The following MBNL1 variants were observed in gnomAD, a reference collection of about 807,000 sequenced individuals.
The protein encoded by MBNL1 is muscleblind-like protein 1.
A neutral mutation model predicts 42.2 loss-of-function variants in MBNL1; 8 were observed. That is an observed-to-expected ratio of 0.19 (90% CI 0.11 to 0.34). The LOEUF (loss-of-function observed/expected upper bound fraction) is 0.34, where lower values mean the gene tolerates loss of function less well. Ranked by LOEUF, MBNL1 falls within the 10% of genes least tolerant of loss-of-function variation. MBNL1 has a pLI of 1.00. For missense variants in MBNL1, 309 were observed against 495.3 expected, an observed-to-expected ratio of 0.62 and a Z score of 3.57; for synonymous variants, 169 against 173.9, an observed-to-expected ratio of 0.97 and a Z score of 0.22.
chr3:152,415,011 A>G lies in MBNL1; in HGVS notation c.245A>G (p.Asn82Ser). The change falls in exon 3 of 10, where the codon AAT (asparagine) becomes AGT (serine). Residue 82 changes from asparagine (N) to serine (S), a missense_variant. By Grantham distance (46) the Asn-to-Ser change is conservative. Coordinates refer to ENST00000324210, the MANE Select transcript of MBNL1 (RefSeq NM_021038.5). ...CATTTAAAAACGCAGTTGGAGATAA[A>G]TGGACGCAATAACTTGATTCAGCAG... ...PPHLKTQLEINGRNNLIQQKN... is the reference protein window; with the variant it reads ...PPHLKTQLEISGRNNLIQQKN... The G allele has an allele frequency of 1.2e-6, 2 of 1,608,988 alleles. No homozygotes were observed. The highest frequency in any genetic ancestry group is 1.1e-5 in the South Asian group (1 of 90,122).
intron 2 of MBNL1, among the ~76,000 whole-genome samples, chr3:152,387,230 C>A (rs1389285424): frequency 6.8e-6 from 1 of 147,262 alleles, no homozygotes; most frequent in Non-Finnish European, 1.5e-5. Context: ...TTAAGCTATT[C>A]CAGTCTGTGT....
chr3:152,434,801 T>C (rs2099056342), intron 4 of MBNL1, among the ~76,000 whole-genome samples: 2 of 152,204 alleles, frequency 1.3e-5, no homozygotes, highest in African/African-American at 4.8e-5. Flanking sequence ...TGATTAGTGA[T>C]AATGGGAATT....
chr3:152,315,537 TA>T (rs954179213), intron 2 of MBNL1, among the ~76,000 whole-genome samples: 1 of 152,184 alleles, frequency 6.6e-6, no homozygotes, highest in Admixed American at 6.5e-5. Flanking sequence ...TCGTATTTGA[TA>T]AAAAAATTTC....
At chr3:152,371,484 C>T (rs1175109323) in intron 2 of MBNL1, among the ~76,000 whole-genome samples, 1 of 152,158 alleles carries the variant, frequency 6.6e-6, no homozygotes, top group Non-Finnish European at 1.5e-5. Flanking sequence ...GTAATCCCAA[C>T]TACTTGGGAG....
intron 2 of MBNL1, among the ~76,000 whole-genome samples, chr3:152,341,717 T>C (rs995130888): frequency 2.0e-5 from 3 of 152,170 alleles, no homozygotes; most frequent in Non-Finnish European, 2.9e-5. Context: ...TCCTTTGTTG[T>C]AATAAATTTC....
At chr3:152,319,194 T>C (rs1457533942) in intron 2 of MBNL1, among the ~76,000 whole-genome samples, 1 of 152,202 alleles carries the variant, frequency 6.6e-6, no homozygotes, top group East Asian at 1.9e-4. Context: ...TAAAATGTGT[T>C]TTTTCTTTGC....
At chr3:152,323,439 AT>A (rs1258888782) in intron 2 of MBNL1, among the ~76,000 whole-genome samples, 1 of 152,158 alleles carries the variant, frequency 6.6e-6, no homozygotes, top group African/African-American at 2.4e-5. Flanking sequence ...AATTTAAAAA[AT>A]ATATATGTAC....
chr3:152,339,845 A>G (rs189295896), intron 2 of MBNL1: 2 of 152,154 alleles, frequency 1.3e-5, no homozygotes, highest in African/African-American at 2.4e-5. Context: ...TTCATTTAAC[A>G]TAATTTCAGA....
At chr3:152,371,043 A>C (rs2096638933) in intron 2 of MBNL1, among the ~76,000 whole-genome samples, 1 of 152,130 alleles carries the variant, frequency 6.6e-6, no homozygotes, top group Non-Finnish European at 1.5e-5. Flanking sequence ...TGTCATTATG[A>C]TGCTAGCTGG....
chr3:152,338,306 G>T, intron 2 of MBNL1: 1 of 985,368 alleles, frequency 1.0e-6, no homozygotes, highest in African/African-American at 1.7e-5. Flanking sequence ...GTGTTGTGCT[G>T]CGTGGTCATG....
Position 152,462,445 on chromosome 3 carries a change from A to G in MBNL1, c.*79A>G, listed in dbSNP as rs1747826353. 1 of 152,206 alleles carries G rather than the reference A, an allele frequency of 6.6e-6. No individual in the cohort carries two copies. The highest frequency in any genetic ancestry group is 2.1e-4 in the South Asian group (1 of 4,838). The allele number at this position is 152,206 out of a possible 1,614,324, so 9.4% of individuals were successfully genotyped here. A position where few individuals can be genotyped will look rare whatever the true frequency, so the allele number is the denominator to read the frequency against. ...AGAGTAAAGGACGAGGTCATTAGCC[A>G]TATTGTATATATCGTCAAGCAACAC... On this transcript the variant is annotated 3_prime_UTR_variant, in exon 10 of 10. Coordinates refer to ENST00000324210, the MANE Select transcript of MBNL1 (RefSeq NM_021038.5).
chr3:152,313,573 T>C (rs2068390890), intron 2 of MBNL1, among the ~76,000 whole-genome samples: 1 of 152,240 alleles, frequency 6.6e-6, no homozygotes, highest in Non-Finnish European at 1.5e-5. Context: ...AAATACTCCA[T>C]AGATACTAAC....
intron 2 of MBNL1, among the ~76,000 whole-genome samples, chr3:152,312,052 C>A (rs188388358): frequency 6.6e-6 from 1 of 151,576 alleles, no homozygotes; most frequent in Admixed American, 6.6e-5. Context: ...ATTAGCCGGG[C>A]GTAGTGGCGG....
chr3:152,386,143 A>G (rs554336542), intron 2 of MBNL1, among the ~76,000 whole-genome samples: 1 of 152,184 alleles, frequency 6.6e-6, no homozygotes, highest in African/African-American at 2.4e-5. Flanking sequence ...TTGGGGAAAA[A>G]AAGCTCAATT....
chr3:152,345,578 T>C lies in MBNL1; in HGVS notation c.174+45211T>C, dbSNP rs1158203101. Among the ~76,000 whole-genome samples, 4 of 152,164 alleles carry C rather than the reference T, an allele frequency of 2.6e-5. 1 individual carries two copies. In the South Asian group the frequency reaches 8.3e-4, roughly 31 times the overall value. ...ACAAGCCAAATAAATATTTTTAAAATACTGTTTTTATTTAGAGAGAGAGAC... is the reference window on the plus strand; with the variant it reads ...ACAAGCCAAATAAATATTTTTAAAACACTGTTTTTATTTAGAGAGAGAGAC... On this transcript the variant is annotated intron_variant, in intron 2 of 9. Transcript: ENST00000324210.
intron 2 of MBNL1, among the ~76,000 whole-genome samples, chr3:152,328,482 G>A (rs1334672670): frequency 6.6e-6 from 1 of 152,112 alleles, no homozygotes; most frequent in Non-Finnish European, 1.5e-5. Flanking sequence ...TTTTACTCAT[G>A]TTTAGATAAT....
At chr3:152,398,902 T>A (rs2098100407) in intron 2 of MBNL1, among the ~76,000 whole-genome samples, 1 of 152,230 alleles carries the variant, frequency 6.6e-6, no homozygotes, top group South Asian at 2.1e-4. Flanking sequence ...TGATATTTCC[T>A]CTACCTAGAT....
At chr3:152,329,156 A>T (rs1268775497) in intron 2 of MBNL1, among the ~76,000 whole-genome samples, 6 of 152,174 alleles carry the variant, frequency 3.9e-5, no homozygotes, top group Non-Finnish European at 8.8e-5. Flanking sequence ...TAAAAGACAG[A>T]TGTGAGCTTA....
upstream of MBNL1, chr3:152,264,893 T>C (rs1313363725): frequency 6.6e-6 from 1 of 152,038 alleles, no homozygotes; most frequent in East Asian, 1.9e-4. Flanking sequence ...GTGTTATACA[T>C]ACAATATATT....
Sources: gnomAD v4.1 joint callset for allele counts (sites outside exome capture counted in the v4.1 genomes callset) on GRCh38, gnomAD v4.1.1 for gene constraint, MANE v1.5 for transcripts, NCBI Gene and HGNC (gene_info 2026-07-23, HGNC 2026-07-21) for gene names.